Variants in DNAJB14 observed in about 807,000 individuals in gnomAD.
DNAJB14 encodes the protein DnaJ heat shock protein family (Hsp40) member B14.
In DNAJB14, 22 loss-of-function variants were observed where a neutral mutation model predicts 48.4. The observed-to-expected ratio is 0.45, with a 90% confidence interval of 0.32 to 0.65. The LOEUF is 0.65. DNAJB14 is among the 30% of genes least tolerant of loss of function. The pLI, the probability that DNAJB14 is intolerant of heterozygous loss-of-function variation, is 0.03. For missense variants in DNAJB14, 319 were observed against 458.8 expected (o/e 0.70, Z 2.78); for synonymous variants, 142 against 158.7 (o/e 0.89, Z 0.79).
chr4:99,939,097 C>A (rs1042318463), intron 1 of DNAJB14, among the ~76,000 whole-genome samples: 1 of 152,194 alleles, frequency 6.6e-6, no homozygotes, highest in Non-Finnish European at 1.5e-5. Flanking sequence ...TACAGTGGCT[C>A]ACGCCTGTAA....
Position 99,897,120 on chromosome 4 carries a change from A to G in DNAJB14, c.*3908T>C, listed in dbSNP as rs1263347323. ...CATAAAAATATCCACTGCTAATGGAAGCCCTGCTCTGTGCAAACATAGTGT... is the reference window on the plus strand; with the variant it reads ...CATAAAAATATCCACTGCTAATGGAGGCCCTGCTCTGTGCAAACATAGTGT... On this transcript the variant is annotated 3_prime_UTR_variant, in exon 8 of 8. Coordinates refer to ENST00000442697, the MANE Select transcript of DNAJB14 (RefSeq NM_001031723.4). 1.3e-5 allele frequency: 2 copies of G among 151,638 alleles called. No homozygotes were observed. The highest frequency in any genetic ancestry group is 4.8e-5 in the African/African-American group (2 of 41,298). 9.4% of individuals were successfully genotyped at this position (151,638 alleles called of 1,614,324 possible).
chr4:99,906,451 A>T, intron 5 of DNAJB14, 66 bp downstream of exon 5: 1 of 1,476,180 alleles, frequency 6.8e-7, no homozygotes, highest in Non-Finnish European at 9.4e-7. Flanking sequence ...CCCTCTTTTC[A>T]GACAACTCTA....
At chr4:99,934,789 CA>C (rs1167945149) in intron 1 of DNAJB14, among the ~76,000 whole-genome samples, 408 of 6,682 alleles carry the variant, frequency 0.061, no homozygotes, top group African/African-American at 0.072. Flanking sequence ...AAGACTGTCT[CA>C]AAAAAAAAAA....
intron 3 of DNAJB14, among the ~76,000 whole-genome samples, chr4:99,920,937 C>G (rs1371642419): frequency 6.6e-6 from 1 of 152,070 alleles, no homozygotes; most frequent in Non-Finnish European, 1.5e-5. Flanking sequence ...TGTCTTTGCT[C>G]AGAGATAAAT....
At chr4:99,915,638 T>C (rs999731098) in intron 3 of DNAJB14, among the ~76,000 whole-genome samples, 7 of 152,202 alleles carry the variant, frequency 4.6e-5, no homozygotes, top group African/African-American at 7.2e-5. Flanking sequence ...GTTTATCTTA[T>C]GAATCAGGAT....
intron 1 of DNAJB14, among the ~76,000 whole-genome samples, chr4:99,941,351 T>A (rs559253096): frequency 6.6e-6 from 1 of 152,300 alleles, no homozygotes; most frequent in East Asian, 1.9e-4. Context: ...TTTAAAGCAA[T>A]TATCTTATGC....
intron 1 of DNAJB14, among the ~76,000 whole-genome samples, chr4:99,938,569 TAGAAAGAGAAAG>T (rs894405103): frequency 6.6e-6 from 1 of 151,560 alleles, no homozygotes; most frequent in Admixed American, 6.6e-5. Flanking sequence ...TGTGTGTGTG[TAGAAAGAGAAAG>T]AGAAAGAGAG....
In DNAJB14 at chr4:99,900,027, G is replaced by A. The variant is rs1411682013; in HGVS notation, c.*1001C>T. On this transcript the variant is annotated 3_prime_UTR_variant, in exon 8 of 8. Coordinates refer to ENST00000442697, the MANE Select transcript of DNAJB14 (RefSeq NM_001031723.4). ...ATACTGTAATCTACTTATATGTTTA[G>A]GAGTTGGCATAGGGTTAAAAGGCAC... The A allele has an allele frequency of 6.6e-6, 1 of 152,356 alleles. No individual in the cohort carries two copies. Among genetic ancestry groups the A allele is most frequent in the East Asian group, 1.9e-4 (1 of 5,186 alleles). The allele number at this position is 152,356 out of a possible 1,614,324, so 9.4% of individuals were successfully genotyped here.
chr4:99,908,625 A>G, intron 4 of DNAJB14, 86 bp downstream of exon 4: 1 of 992,998 alleles, frequency 1.0e-6, no homozygotes, highest in Non-Finnish European at 1.4e-6. Flanking sequence ...GTAGGGGAAA[A>G]GGTAGATACA....
At position 99,933,171 on chromosome 4, in the gene DNAJB14, C is replaced by CGTGT. The variant is rs1413368135; in HGVS notation, c.134-2551_134-2550insACAC. Among the ~76,000 whole-genome samples the CGTGT allele has an allele frequency of 1.1e-4, 16 of 149,306 alleles. No individual in the cohort carries two copies. In the South Asian group the frequency reaches 2.6e-3, roughly 25 times the overall value. Reference sequence around the variant, plus strand: ...GTATGTGAATTATGTCTCAATAAAGCATGTATATATATATACACACACTCT... The same window carrying CGTGT: ...GTATGTGAATTATGTCTCAATAAAGCGTGTATGTATATATATATACACACACTCT... On this transcript the variant is annotated intron_variant, in intron 1 of 7. Transcript: ENST00000442697.
At chr4:99,918,616 C>G (rs1210679334) in intron 3 of DNAJB14, among the ~76,000 whole-genome samples, 1 of 152,142 alleles carries the variant, frequency 6.6e-6, no homozygotes, top group East Asian at 1.9e-4. Context: ...AGGGTTTTTC[C>G]CTTGGCCTCT....
chr4:99,940,681 T>C (rs569448792), intron 1 of DNAJB14, among the ~76,000 whole-genome samples: 2 of 151,082 alleles, frequency 1.3e-5, no homozygotes, highest in East Asian at 1.9e-4. Context: ...AAAATCACTA[T>C]AGCCTTTTGG....
intron 3 of DNAJB14, among the ~76,000 whole-genome samples, chr4:99,910,576 A>G (rs1160069624): frequency 6.6e-6 from 1 of 151,986 alleles, no homozygotes; most frequent in African/African-American, 2.4e-5. Flanking sequence ...TAGAAAAAAT[A>G]ATTTCTAAAC....
Position 99,935,376 on chromosome 4 carries a change from C to A in DNAJB14, c.134-4755G>T, listed in dbSNP as rs528298167. 2.0e-5 allele frequency among the ~76,000 whole-genome samples: 3 copies of A among 152,280 alleles called. No homozygotes were observed. In the East Asian group the frequency reaches 5.8e-4, roughly 29 times the overall value. ...GACTTTCTATCCACCAAAATAACTT[C>A]AAGCAGTAAAGCCACAGATGAACTG... is the stretch of plus-strand genomic sequence containing the variant. On this transcript the variant is annotated intron_variant, in intron 1 of 7. Coordinates refer to ENST00000442697, the MANE Select transcript of DNAJB14 (RefSeq NM_001031723.4).
chr4:99,920,917 A>G (rs1037997914), intron 3 of DNAJB14, among the ~76,000 whole-genome samples: 1 of 152,214 alleles, frequency 6.6e-6, no homozygotes, highest in Admixed American at 6.5e-5. Context: ...TATAAAAAAG[A>G]CAATAGTATT....
At chr4:99,934,335 A>C (rs78458377) in intron 1 of DNAJB14, among the ~76,000 whole-genome samples, 1 of 152,228 alleles carries the variant, frequency 6.6e-6, no homozygotes, top group Non-Finnish European at 1.5e-5. Context: ...ATACAAAATT[A>C]TAAGAAAAAA....
intron 3 of DNAJB14, among the ~76,000 whole-genome samples, chr4:99,913,621 G>A (rs1191932301): frequency 9.3e-6 from 1 of 107,620 alleles, no homozygotes; most frequent in South Asian, 2.9e-4. Context: ...CTGGTCTGTA[G>A]TTTTTTTTTT....
intron 1 of DNAJB14, among the ~76,000 whole-genome samples, chr4:99,939,047 G>T (rs1408490411): frequency 6.6e-6 from 1 of 152,114 alleles, no homozygotes; most frequent in African/African-American, 2.4e-5. Flanking sequence ...TATGAAAGTG[G>T]TTATATATGT....
intron 3 of DNAJB14, among the ~76,000 whole-genome samples, chr4:99,916,509 T>C (rs951472093): frequency 6.6e-6 from 1 of 152,218 alleles, no homozygotes; most frequent in Non-Finnish European, 1.5e-5. Flanking sequence ...TTACATGTAA[T>C]GTAATTACTG....
Sources: allele counts gnomAD v4.1 joint callset (sites outside exome capture counted in the v4.1 genomes callset), GRCh38; gene constraint gnomAD v4.1.1; transcripts MANE v1.5; gene names NCBI Gene and HGNC (gene_info 2026-07-23, HGNC 2026-07-21).